Variants in EYS observed in about 807,000 individuals in gnomAD.
The protein encoded by EYS is protein eyes shut homolog.
A neutral mutation model predicts 282.1 loss-of-function variants in EYS; 250 were observed. That is an observed-to-expected ratio of 0.89 (90% CI 0.80 to 0.98). The LOEUF is 0.98. Among genes scored for constraint, EYS ranks in the 50% least tolerant of loss-of-function variants. The probability of loss-of-function intolerance (pLI) is 0.00; values close to 1 mark genes in which losing one functional copy is unlikely to be tolerated. For synonymous variants in EYS, 1,355 were observed against 1,282.9 expected, an observed-to-expected ratio of 1.06 and a Z score of -1.20; for missense variants, 4,016 against 3,709.0, an observed-to-expected ratio of 1.08 and a Z score of -2.15.
intron 19 of EYS, among the ~76,000 whole-genome samples, chr6:64,852,025 G>T (rs1765901874): frequency 6.6e-6 from 1 of 152,106 alleles, no homozygotes; most frequent in Non-Finnish European, 1.5e-5. Flanking sequence ...CATTTATATT[G>T]CTTGTGGAAA....
chr6:63,998,268 GATAAT>G (rs1334082815), intron 34 of EYS, among the ~76,000 whole-genome samples: 5 of 152,066 alleles, frequency 3.3e-5, no homozygotes, highest in South Asian at 2.1e-4. Context: ...TATTGAATGA[GATAAT>G]ATTTAAGGCC....
At chr6:65,387,306 C>T (rs1765838739) in intron 7 of EYS, among the ~76,000 whole-genome samples, 1 of 151,844 alleles carries the variant, frequency 6.6e-6, no homozygotes, top group Non-Finnish European at 1.5e-5. Context: ...AACAAAATTC[C>T]ATCACCAGCA....
At chr6:64,053,262 A>G (rs1770873914) in intron 33 of EYS, among the ~76,000 whole-genome samples, 1 of 152,130 alleles carries the variant, frequency 6.6e-6, no homozygotes, top group African/African-American at 2.4e-5. Context: ...CAGTCATATA[A>G]GTGAAACTAG....
intron 31 of EYS, among the ~76,000 whole-genome samples, chr6:64,145,068 A>T (rs1162206566): frequency 6.6e-6 from 1 of 152,194 alleles, no homozygotes; most frequent in Non-Finnish European, 1.5e-5. Flanking sequence ...ACACAAAAGG[A>T]TGATAAATTT....
chr6:65,353,380 T>C, intron 9 of EYS, 78 bp downstream of exon 9: 1 of 1,205,212 alleles, frequency 8.3e-7, no homozygotes, highest in East Asian at 2.4e-5. Flanking sequence ...ATACTTTGTG[T>C]GTTTAGAAAA....
chr6:64,755,733 G>C (rs1344191666), intron 22 of EYS, among the ~76,000 whole-genome samples: 1 of 151,972 alleles, frequency 6.6e-6, no homozygotes, highest in Non-Finnish European at 1.5e-5. Context: ...TAGACACTGG[G>C]AACTCACAAC....
chr6:64,572,770 G>A (rs964111518), intron 26 of EYS, among the ~76,000 whole-genome samples: 3 of 152,164 alleles, frequency 2.0e-5, no homozygotes, highest in Admixed American at 6.5e-5. Flanking sequence ...GGAAATAAGA[G>A]AGGATGTAAA....
chr6:65,610,705 T>C (rs973868825), intron 2 of EYS, among the ~76,000 whole-genome samples: 26 of 152,144 alleles, frequency 1.7e-4, no homozygotes, highest in Admixed American at 1.3e-4. Flanking sequence ...ACGGATTAAT[T>C]TTCACAGGAT....
chr6:65,617,052 T>A (rs13207080), intron 2 of EYS, among the ~76,000 whole-genome samples: 4 of 152,130 alleles, frequency 2.6e-5, no homozygotes, highest in Non-Finnish European at 5.9e-5. Flanking sequence ...ACATGGATTT[T>A]TATGGAAAGG....
chr6:64,452,362 C>T (rs1429791951), intron 26 of EYS, among the ~76,000 whole-genome samples: 2 of 152,128 alleles, frequency 1.3e-5, no homozygotes, highest in Middle Eastern at 3.4e-3. Flanking sequence ...TAAAAGAGGA[C>T]AGAAACAAAT....
chr6:63,849,648 C>T (rs1772190387), intron 36 of EYS, among the ~76,000 whole-genome samples: 1 of 152,034 alleles, frequency 6.6e-6, no homozygotes, highest in African/African-American at 2.4e-5. Flanking sequence ...AAAAGGACAC[C>T]CACATAAAAA....
At chr6:65,061,275 A>G (rs1449312696) in intron 12 of EYS, among the ~76,000 whole-genome samples, 1 of 151,968 alleles carries the variant, frequency 6.6e-6, no homozygotes, top group Non-Finnish European at 1.5e-5. Flanking sequence ...TAATAAGCAT[A>G]AGTAGTTTGA....
rs181367053 is a variant in EYS at position 64,534,809 on chromosome 6, T to C, written c.5644+55414A>G. On this transcript the variant is annotated intron_variant, in intron 26 of 42. Transcript: ENST00000503581. ...ATTTAACACCATCTTTTTTTTTTTT[T>C]CCAATGGACAATCATCAGGGAATTA... Among the ~76,000 whole-genome samples the C allele has an allele frequency of 8.0e-3, 1,218 of 151,448 alleles. 18 individuals carry two copies. Among genetic ancestry groups the C allele is most frequent in the African/African-American group, 0.027 (1,093 of 41,128 alleles).
At chr6:65,487,446 T>C (rs6455044) in intron 5 of EYS, among the ~76,000 whole-genome samples, 59,443 of 152,008 alleles carry the variant, frequency 0.39, 11,832 homozygotes, top group Middle Eastern at 0.49. Flanking sequence ...TGCTTTTTGT[T>C]GTTGGTTCTG....
chr6:64,874,480 G>A (rs1029811585), intron 19 of EYS, among the ~76,000 whole-genome samples: 3 of 152,020 alleles, frequency 2.0e-5, no homozygotes, highest in Non-Finnish European at 4.4e-5. Flanking sequence ...ACCTTCACTG[G>A]ATTCCTTCCT....
intron 36 of EYS, among the ~76,000 whole-genome samples, chr6:63,854,227 G>A (rs1772332616): frequency 6.6e-6 from 1 of 152,134 alleles, no homozygotes. Flanking sequence ...ATGTTAGACT[G>A]GATAAAGAAA....
chr6:65,264,120 A>G (rs1767690380), intron 12 of EYS, among the ~76,000 whole-genome samples: 1 of 152,128 alleles, frequency 6.6e-6, no homozygotes, highest in Non-Finnish European at 1.5e-5. Flanking sequence ...AAAAAAATTA[A>G]TCAACCTGCA....
At chr6:64,940,046 T>C (rs1769037436) in intron 15 of EYS, among the ~76,000 whole-genome samples, 1 of 152,018 alleles carries the variant, frequency 6.6e-6, no homozygotes, top group South Asian at 2.1e-4. Flanking sequence ...TGTCTTTTCC[T>C]CCATCCTCCT....
intron 31 of EYS, among the ~76,000 whole-genome samples, chr6:64,122,962 C>T (rs1773639910): frequency 1.3e-5 from 2 of 151,742 alleles, no homozygotes. Context: ...TTATTGAATA[C>T]CTTGTATATT....
Sources: allele counts gnomAD v4.1 joint callset (sites outside exome capture counted in the v4.1 genomes callset), GRCh38; gene constraint gnomAD v4.1.1; transcripts MANE v1.5; gene names NCBI Gene and HGNC (gene_info 2026-07-23, HGNC 2026-07-21).